The following OSBP2 variants were observed in gnomAD, a reference collection of about 807,000 sequenced individuals.
The protein encoded by OSBP2 is oxysterol-binding protein 2.
In OSBP2, 66 loss-of-function variants were observed where a neutral mutation model predicts 96.0. That is an observed-to-expected ratio of 0.69 (90% CI 0.56 to 0.84). The LOEUF (loss-of-function observed/expected upper bound fraction) is 0.84. OSBP2 is among the 40% of genes least tolerant of loss of function. The pLI, the probability that OSBP2 is intolerant of heterozygous loss-of-function variation, is 0.00. For missense variants in OSBP2, 1,038 were observed against 1,222.7 expected, an observed-to-expected ratio of 0.85 and a Z score of 2.25; for synonymous variants, 525 against 520.9, an observed-to-expected ratio of 1.01 and a Z score of -0.11.
chr22:30,859,093 C>G (rs1389801630), intron 2 of OSBP2, among the ~76,000 whole-genome samples: 1 of 151,998 alleles, frequency 6.6e-6, no homozygotes, highest in African/African-American at 2.4e-5. Flanking sequence ...CCCTCTGTCT[C>G]AGCTTGCGCT....
In OSBP2 at chr22:30,767,410, C is replaced by T. The variant is rs145253676; in HGVS notation, c.853+26041C>T. Among the ~76,000 whole-genome samples, 442 of 152,270 alleles carry T rather than the reference C, an allele frequency of 2.9e-3. 2 individuals are homozygous for T. Among genetic ancestry groups the T allele is most frequent in the Non-Finnish European group, 4.9e-3 (334 of 68,024 alleles). ...GTCACCCAGATGCCACAGTTACCAG[C>T]TACCAGCTCATGGCCAGCCTTGTCT... On this transcript the variant is annotated intron_variant, in intron 2 of 13. Transcript: ENST00000332585.
upstream of OSBP2, chr22:30,694,057 A>G (rs1289446581): frequency 6.5e-7 from 1 of 1,526,824 alleles, no homozygotes; most frequent in Non-Finnish European, 8.8e-7. Flanking sequence ...CCTACTCTGG[A>G]AAAATGCACA....
intron 3 of OSBP2, among the ~76,000 whole-genome samples, chr22:30,874,739 C>T (rs1406406801): frequency 6.6e-5 from 10 of 152,230 alleles, no homozygotes; most frequent in Non-Finnish European, 8.8e-5. Flanking sequence ...TGTTTCAACC[C>T]CCCACGCCTT....
At chr22:30,714,217 A>G (rs1292621924) in intron 1 of OSBP2, among the ~76,000 whole-genome samples, 1 of 152,158 alleles carries the variant, frequency 6.6e-6, no homozygotes, top group Non-Finnish European at 1.5e-5. Context: ...GGGCTCATGC[A>G]TGTTGTGCAC....
At chr22:30,808,296 TGCAA>T (rs2090958272) in intron 2 of OSBP2, among the ~76,000 whole-genome samples, 1 of 151,694 alleles carries the variant, frequency 6.6e-6, no homozygotes, top group African/African-American at 2.4e-5. Context: ...AGCCCAGGAG[TGCAA>T]GGCCAGCCCA....
At chr22:30,844,524 C>T (rs2038828468) in intron 2 of OSBP2, 1 of 157,324 alleles carries the variant, frequency 6.4e-6, no homozygotes, top group South Asian at 1.9e-4. Context: ...ATGAACCAAC[C>T]TCTACTAGCT....
chr22:30,827,175 A>T (rs1262203661), intron 2 of OSBP2, among the ~76,000 whole-genome samples: 2 of 152,192 alleles, frequency 1.3e-5, no homozygotes. Context: ...GGGCCCTGCC[A>T]GTGGGTTGCA....
At chr22:30,859,726 G>A (rs1226392105) in intron 2 of OSBP2, among the ~76,000 whole-genome samples, 1 of 152,264 alleles carries the variant, frequency 6.6e-6, no homozygotes, top group Non-Finnish European at 1.5e-5. Context: ...ACTGGGAAAA[G>A]CATGATGGGC....
At chr22:30,771,518 G>C (rs2090347102) in intron 2 of OSBP2, among the ~76,000 whole-genome samples, 1 of 152,172 alleles carries the variant, frequency 6.6e-6, no homozygotes, top group Admixed American at 6.5e-5. Context: ...AGTGGCACCT[G>C]CAGCCCAAGG....
chr22:30,843,450 C>CG (rs113124590), intron 2 of OSBP2, among the ~76,000 whole-genome samples: 7 of 133,172 alleles, frequency 5.3e-5, no homozygotes, highest in Admixed American at 3.7e-4. Context: ...TCTTTCCCCC[C>CG]TCCCCCTTGA....
chr22:30,872,887 G>C lies in OSBP2; in HGVS notation c.1107+2205G>C, dbSNP rs142497227. ...AAGGGTTCAGCCCCCACTGTGTGCAGAGGAGCCATGTAGGCAAAGCCGGCC... is the reference window on the plus strand; with the variant it reads ...AAGGGTTCAGCCCCCACTGTGTGCACAGGAGCCATGTAGGCAAAGCCGGCC... On this transcript the variant is annotated intron_variant, in intron 3 of 13. Transcript: ENST00000332585. 7.5e-4 allele frequency among the ~76,000 whole-genome samples: 114 copies of C among 152,360 alleles called. 2 individuals are homozygous for C. In the East Asian group the frequency reaches 0.017, roughly 22 times the overall value.
At chr22:30,800,860 T>C (rs747583615) in intron 2 of OSBP2, among the ~76,000 whole-genome samples, 5 of 152,138 alleles carry the variant, frequency 3.3e-5, no homozygotes, top group Non-Finnish European at 5.9e-5. Context: ...GTCTTCAATT[T>C]GTGGGCATGT....
chr22:30,839,399 TTC>T (rs1224689827), intron 2 of OSBP2, among the ~76,000 whole-genome samples: 1 of 114,832 alleles, frequency 8.7e-6, no homozygotes, highest in Admixed American at 8.2e-5. Flanking sequence ...GTATTTCCAG[TTC>T]TAGATCCCTG....
chr22:30,708,459 A>G (rs1311216262), intron 1 of OSBP2, among the ~76,000 whole-genome samples: 1 of 135,564 alleles, frequency 7.4e-6, no homozygotes, highest in Non-Finnish European at 1.6e-5. Context: ...ATTTCAGTAT[A>G]TATCTCTAAA....
At chr22:30,750,310 T>A (rs2090058715) in intron 2 of OSBP2, among the ~76,000 whole-genome samples, 1 of 152,162 alleles carries the variant, frequency 6.6e-6, no homozygotes, top group South Asian at 2.1e-4. Context: ...GAGCTCCAGT[T>A]CCCTGTCTTT....
At chr22:30,734,382 T>C (rs917779976) in intron 1 of OSBP2, among the ~76,000 whole-genome samples, 21 of 152,296 alleles carry the variant, frequency 1.4e-4, no homozygotes, top group African/African-American at 4.8e-4. Flanking sequence ...TTCTGGAATA[T>C]TGCACACCTC....
rs546629089 is a variant in OSBP2 at position 30,902,541 on chromosome 22, A to G, written c.2376-3296A>G. The stretch of plus-strand genomic sequence containing the variant: ...TGACTTCTTAGGAGGCAGGGGAGGT[A>G]GTCACCCAGGTGACTGGGAAACAGG... On this transcript the variant is annotated intron_variant, in intron 12 of 13. Transcript: ENST00000332585. 1.7e-4 allele frequency: 226 copies of G among 1,337,140 alleles called. 1 individual carries two copies. The Middle Eastern group carries it at 2.1e-3, about 12-fold the overall frequency. 82.8% of individuals were successfully genotyped at this position (1,337,140 alleles called of 1,614,324 possible). A position where few individuals can be genotyped will look rare whatever the true frequency, so the allele number is the denominator to read the frequency against.
chr22:30,843,444 T>TCCCC (rs35971934), intron 2 of OSBP2, among the ~76,000 whole-genome samples: 9 of 120,544 alleles, frequency 7.5e-5, no homozygotes, highest in South Asian at 2.5e-4. Context: ...CAGGAATCTT[T>TCCCC]CCCCCCTCCC....
intron 1 of OSBP2, among the ~76,000 whole-genome samples, chr22:30,719,252 G>A (rs1225994854): frequency 1.3e-5 from 2 of 152,034 alleles, no homozygotes; most frequent in Non-Finnish European, 2.9e-5. Context: ...GTCATTATGT[G>A]TGCATGTGCA....
Sources: gnomAD v4.1 joint callset for allele counts (sites outside exome capture counted in the v4.1 genomes callset) on GRCh38, gnomAD v4.1.1 for gene constraint, MANE v1.5 for transcripts, NCBI Gene and HGNC (gene_info 2026-07-23, HGNC 2026-07-21) for gene names.